The following FCAR variants were observed in gnomAD, a reference collection of about 807,000 sequenced individuals.
The protein encoded by FCAR is Fc alpha receptor.
A neutral mutation model predicts 27.1 loss-of-function variants in FCAR; 21 were observed. The observed-to-expected ratio is 0.77, with a 90% CI of 0.55 to 1.11. The LOEUF is 1.11. Among genes scored for constraint, FCAR ranks in the 50% most tolerant of loss-of-function variants. FCAR has a pLI of 0.00. For synonymous variants in FCAR, 134 were observed against 135.8 expected (o/e 0.99, Z 0.09); for missense variants, 404 against 358.4 (o/e 1.13, Z -1.03).
At chr19:54,888,503 G>A in intron 4 of FCAR, 1 of 1,412,376 alleles carries the variant, frequency 7.1e-7, no homozygotes, top group Non-Finnish European at 9.2e-7. Flanking sequence ...TGAAAACTTA[G>A]TCTGTGGAGA....
At chr19:54,877,006 T>C (rs745831450) in intron 2 of FCAR, among the ~76,000 whole-genome samples, 10 of 152,336 alleles carry the variant, frequency 6.6e-5, no homozygotes, top group African/African-American at 2.2e-4. Flanking sequence ...TTTGCTAGTA[T>C]TTTGTTGAGG....
intron 1 of FCAR, among the ~76,000 whole-genome samples, 167 bp downstream of exon 1, chr19:54,874,490 C>T (rs77827637): frequency 0.011 from 1,601 of 152,236 alleles, 31 homozygotes; most frequent in African/African-American, 0.036. Context: ...TTTGTCTCTA[C>T]CCAAGCCCAA....
At chr19:54,886,026 C>T (rs1173350040) in intron 3 of FCAR, among the ~76,000 whole-genome samples, 1 of 152,140 alleles carries the variant, frequency 6.6e-6, no homozygotes, top group Non-Finnish European at 1.5e-5. Flanking sequence ...GTGGGTGGAT[C>T]ACCTGAGGTC....
chr19:54,879,200 C>CA (rs2066276649), intron 2 of FCAR, among the ~76,000 whole-genome samples: 1 of 152,138 alleles, frequency 6.6e-6, no homozygotes, highest in Non-Finnish European at 1.5e-5. Flanking sequence ...TCCAACTTGC[C>CA]ACTCTCTGCA....
intron 2 of FCAR, among the ~76,000 whole-genome samples, chr19:54,875,715 G>A (rs1025954192): frequency 6.6e-5 from 10 of 152,212 alleles, no homozygotes; most frequent in South Asian, 2.1e-4. Flanking sequence ...ACTTCCTCCC[G>A]TCACTTCATT....
At position 54,875,357 on chromosome 19, in the gene FCAR, C is replaced by T; in HGVS notation, c.62C>T (p.Ala21Val). 6.2e-7 allele frequency: 1 copy of T among 1,613,552 alleles called. No homozygotes were observed. ...CTCTGTCTGGGCCAGAGGATTCAGG[C>T]ACAGGAAGGTAAGTGTCCTGTAAAT... The part of the protein sequence containing the change: ...LVLCLGQRIQ[A>V]QEGDFPMPFI... Residue 21 changes from alanine (A) to valine (V), a missense_variant, in exon 2 of 5, where the codon GCA (alanine) becomes GTA (valine). Coordinates refer to ENST00000355524, the MANE Select transcript of FCAR (RefSeq NM_002000.4).
chr19:54,881,015 C>T (rs1181286307), intron 2 of FCAR: 2 of 152,258 alleles, frequency 1.3e-5, no homozygotes, highest in Non-Finnish European at 2.9e-5. Context: ...CTCGGCACTC[C>T]CAGGCTGCAC....
At chr19:54,887,411 A>G (rs928922439) in intron 3 of FCAR, among the ~76,000 whole-genome samples, 23 of 152,202 alleles carry the variant, frequency 1.5e-4, no homozygotes, top group African/African-American at 5.3e-4. Flanking sequence ...ACCTGAGGTC[A>G]GGGATTCAAG....
intron 3 of FCAR, among the ~76,000 whole-genome samples, chr19:54,887,284 G>T (rs1298926962): frequency 6.6e-6 from 1 of 151,976 alleles, no homozygotes; most frequent in Non-Finnish European, 1.5e-5. Context: ...CCCTCAGCCT[G>T]GGCGACAGAG....
At chr19:54,886,081 T>C (rs1006065303) in intron 3 of FCAR, among the ~76,000 whole-genome samples, 6 of 151,842 alleles carry the variant, frequency 4.0e-5, no homozygotes, top group African/African-American at 1.5e-4. Context: ...ACCTCGTCTC[T>C]ACTAAAAATG....
chr19:54,886,454 C>T (rs12974020), intron 3 of FCAR, among the ~76,000 whole-genome samples: 47,986 of 150,840 alleles, frequency 0.32, 7,931 homozygotes, highest in Admixed American at 0.44. Context: ...ACTACAGGCG[C>T]CCGCCACCAC....
At chr19:54,885,973 G>A (rs755032034) in intron 3 of FCAR, among the ~76,000 whole-genome samples, 38 of 152,140 alleles carry the variant, frequency 2.5e-4, no homozygotes, top group Non-Finnish European at 3.4e-4. Flanking sequence ...ATCGCTGGGC[G>A]CGGTGGCTCA....
chr19:54,875,620 A>G (rs1194851559), intron 2 of FCAR, among the ~76,000 whole-genome samples: 1 of 152,214 alleles, frequency 6.6e-6, no homozygotes, highest in Non-Finnish European at 1.5e-5. Flanking sequence ...AATTTACTGA[A>G]TGCTCAAACT....
At chr19:54,888,420 T>G (rs2066882074) in intron 4 of FCAR, 126 bp downstream of exon 4, 1 of 1,459,312 alleles carries the variant, frequency 6.9e-7, no homozygotes, top group East Asian at 2.5e-5. Flanking sequence ...TCCAGGACAG[T>G]GGAGAGAGAA....
At chr19:54,875,510 A>G (rs148076512) in intron 2 of FCAR, 145 bp downstream of exon 2, 104 of 734,684 alleles carry the variant, frequency 1.4e-4, no homozygotes, top group African/African-American at 8.1e-4. Flanking sequence ...CATAATTTCT[A>G]TCTCACTTTG....
chr19:54,879,394 T>C (rs1367311876), intron 2 of FCAR, among the ~76,000 whole-genome samples: 1 of 152,200 alleles, frequency 6.6e-6, no homozygotes, highest in East Asian at 1.9e-4. Flanking sequence ...GTCTTTTCTT[T>C]CCATATTTAG....
chr19:54,876,653 C>T (rs111457558), intron 2 of FCAR, among the ~76,000 whole-genome samples: 6,782 of 152,220 alleles, frequency 0.045, 207 homozygotes, highest in South Asian at 0.12. Context: ...GGCACTGTGG[C>T]TCATGCCTGT....
intron 2 of FCAR, among the ~76,000 whole-genome samples, chr19:54,884,186 C>CT (rs2145896550): frequency 6.6e-6 from 1 of 152,310 alleles, no homozygotes; most frequent in South Asian, 2.1e-4. Context: ...GGAAACTGGC[C>CT]TTGAGCCTTG....
intron 2 of FCAR, among the ~76,000 whole-genome samples, chr19:54,881,552 C>G (rs974450643): frequency 2.0e-5 from 3 of 151,990 alleles, no homozygotes; most frequent in Admixed American, 6.6e-5. Context: ...GAGCTCCTCT[C>G]CGTATGGCGA....
Sources: gnomAD v4.1 joint callset for allele counts (sites outside exome capture counted in the v4.1 genomes callset) on GRCh38, gnomAD v4.1.1 for gene constraint, MANE v1.5 for transcripts, NCBI Gene and HGNC (gene_info 2026-07-23, HGNC 2026-07-21) for gene names.